The following PDE6A variants were observed in gnomAD, a reference collection of about 807,000 sequenced individuals.
PDE6A encodes rod cGMP-specific 3',5'-cyclic phosphodiesterase subunit alpha.
In PDE6A, 84 loss-of-function variants were observed where a neutral mutation model predicts 106.3. That is an observed-to-expected ratio of 0.79 (90% confidence interval 0.66 to 0.95). The LOEUF (loss-of-function observed/expected upper bound fraction) is 0.95. Among genes scored for constraint, PDE6A ranks in the 40% least tolerant of loss-of-function variants. The probability of loss-of-function intolerance (pLI) is 0.00; values close to 1 mark genes in which losing one functional copy is unlikely to be tolerated. For missense variants in PDE6A, 1,052 were observed against 1,084.9 expected, an observed-to-expected ratio of 0.97 and a Z score of 0.43; for synonymous variants, 394 against 386.6, an observed-to-expected ratio of 1.02 and a Z score of -0.23.
intron 6 of PDE6A, among the ~76,000 whole-genome samples, chr5:149,914,638 T>C (rs1247274726): frequency 7.1e-6 from 1 of 141,224 alleles, no homozygotes; most frequent in Non-Finnish European, 1.5e-5. Context: ...GAAGTTCCTC[T>C]GCTTTAATCC....
chr5:149,863,254 A>G lies in PDE6A; in HGVS notation c.2371T>C (p.Phe791Leu), dbSNP rs537784447. The change falls in exon 21 of 22, where the codon TTC becomes CTC. Residue 791 changes from phenylalanine to leucine, a missense_variant. Coordinates refer to ENST00000255266, the MANE Select transcript of PDE6A (RefSeq NM_000440.3). This position sits in a 1 kb window ranked among gnomAD's most constrained non-coding sequence, Gnocchi z 4.7. Reference protein sequence around the residue: ...CTFVYKEFSRFHEEITPMLDG... With the variant: ...CTFVYKEFSRLHEEITPMLDG... Reference sequence around the variant, plus strand: ...AACATTGGGGTGATCTCCTCGTGGAAACGGGAGAATTCCTAGAAGAGAGAG... The same window carrying G: ...AACATTGGGGTGATCTCCTCGTGGAGACGGGAGAATTCCTAGAAGAGAGAG... 1 of 1,614,188 alleles carries G rather than the reference A, an allele frequency of 6.2e-7. No homozygotes were observed. Among genetic ancestry groups the G allele is most frequent in the African/African-American group, 1.3e-5 (1 of 75,044 alleles).
intron 5 of PDE6A, among the ~76,000 whole-genome samples, chr5:149,920,932 G>GAGAA (rs1466066402): frequency 1.1e-5 from 1 of 90,600 alleles, no homozygotes; most frequent in African/African-American, 4.2e-5. Context: ...AAGAAAGAGA[G>GAGAA]AAAGAGAGAA....
intron 5 of PDE6A, among the ~76,000 whole-genome samples, chr5:149,920,239 G>A (rs757174028): frequency 6.6e-6 from 1 of 152,118 alleles, no homozygotes; most frequent in African/African-American, 2.4e-5. Context: ...AATGCCTAGA[G>A]AGGTTGATAA....
chr5:149,868,609 T>G (rs1377630875), intron 17 of PDE6A, among the ~76,000 whole-genome samples: 1 of 152,232 alleles, frequency 6.6e-6, no homozygotes, highest in East Asian at 1.9e-4. Flanking sequence ...AGAGTCCCTT[T>G]GCTCTTTTCT....
chr5:149,909,389 C>T (rs544595918), intron 6 of PDE6A, among the ~76,000 whole-genome samples: 3 of 152,216 alleles, frequency 2.0e-5, no homozygotes, highest in Admixed American at 6.5e-5. Context: ...GGCTATGTTC[C>T]TTGCCTGAAG....
At chr5:149,940,419 G>C (rs1489854811) in intron 1 of PDE6A, among the ~76,000 whole-genome samples, 1 of 152,076 alleles carries the variant, frequency 6.6e-6, no homozygotes, top group African/African-American at 2.4e-5. Context: ...GCCCATGTGG[G>C]AGCCCACCGG....
At chr5:149,896,004 A>T (rs1318238148) in intron 12 of PDE6A, among the ~76,000 whole-genome samples, 1 of 152,172 alleles carries the variant, frequency 6.6e-6, no homozygotes, top group Non-Finnish European at 1.5e-5. Flanking sequence ...CTTAGTAAGG[A>T]ATCCTGCAGG....
intron 8 of PDE6A, among the ~76,000 whole-genome samples, chr5:149,902,817 G>A (rs1176999857): frequency 2.1e-4 from 31 of 144,370 alleles, no homozygotes; most frequent in African/African-American, 7.8e-4. Context: ...GCGAGACTCC[G>A]TCTCAAAAAA....
chr5:149,944,788 C>T lies in PDE6A; in HGVS notation c.-115G>A. 1.3e-6 allele frequency: 1 copy of T among 788,354 alleles called. No individual in the cohort carries two copies. Among genetic ancestry groups the T allele is most frequent in the Non-Finnish European group, 2.2e-6 (1 of 464,398 alleles). 48.8% of individuals were successfully genotyped at this position (788,354 alleles called of 1,614,324 possible). On this transcript the variant is annotated 5_prime_UTR_variant, in exon 1 of 22. The change abolishes an upstream ATG in the 5' untranslated region. Transcript: ENST00000255266. Reference sequence around the variant, plus strand: ...ACTTCTCTGGGTCTTGTCTGCAAAACATACTGAGATGGCCTGCACAGGAGA... The same window carrying T: ...ACTTCTCTGGGTCTTGTCTGCAAAATATACTGAGATGGCCTGCACAGGAGA...
intron 4 of PDE6A, among the ~76,000 whole-genome samples, chr5:149,922,842 T>A (rs1581203035): frequency 4.6e-5 from 7 of 152,226 alleles, no homozygotes; most frequent in Admixed American, 4.6e-4. Flanking sequence ...AATACACAGG[T>A]GCCTTAGCCT....
At chr5:149,861,569 G>A in intron 21 of PDE6A, among the ~76,000 whole-genome samples, 1 of 152,134 alleles carries the variant, frequency 6.6e-6, no homozygotes, top group South Asian at 2.1e-4. Flanking sequence ...AGGATCGCTT[G>A]AGGCCGGGAA....
At chr5:149,936,751 A>G (rs1482227481) in intron 1 of PDE6A, among the ~76,000 whole-genome samples, 3 of 152,244 alleles carry the variant, frequency 2.0e-5, no homozygotes, top group African/African-American at 7.2e-5. Context: ...CTTAGAAGCC[A>G]TTTAGCTCAA....
chr5:149,893,128 T>G (rs1172500503), intron 13 of PDE6A, among the ~76,000 whole-genome samples: 1 of 152,212 alleles, frequency 6.6e-6, no homozygotes, highest in African/African-American at 2.4e-5. Context: ...GACCCACCAG[T>G]TGATGACAAC....
intron 2 of PDE6A, 110 bp downstream of exon 2, chr5:149,934,456 G>A: frequency 9.6e-7 from 1 of 1,043,582 alleles, no homozygotes; most frequent in East Asian, 2.4e-5. Flanking sequence ...TGAATTCCCT[G>A]TCTTACAGAT....
intron 4 of PDE6A, among the ~76,000 whole-genome samples, chr5:149,929,609 A>AAAATAAAAAAATAAATAAATAAAT (rs1554092090): frequency 2.2e-4 from 32 of 145,392 alleles, no homozygotes; most frequent in African/African-American, 8.2e-4. Context: ...TCCGTCTCAA[A>AAAATAAAAAAATAAATAAATAAAT]AAATAAATAA....
intron 3 of PDE6A, chr5:149,932,649 T>A (rs944049498): frequency 3.6e-5 from 58 of 1,613,354 alleles, no homozygotes; most frequent in Middle Eastern, 3.3e-4. Context: ...TTCGTACGAA[T>A]TCGACTAATT....
chr5:149,896,703 C>T lies in PDE6A; in HGVS notation c.1473+8G>A, dbSNP rs769307745. 1.2e-6 allele frequency: 2 copies of T among 1,614,172 alleles called. No homozygotes were observed. The highest frequency in any genetic ancestry group is 1.7e-6 in the Non-Finnish European group (2 of 1,180,030). On this transcript the variant is annotated splice_region_variant and intron_variant, in intron 11 of 21. Transcript: ENST00000255266. ...CATCGGGGCTCGTGCTGCCCCGGTTCAGCTCACCAGGATCTCAGCCAGCTC... is the reference window on the plus strand; with the variant it reads ...CATCGGGGCTCGTGCTGCCCCGGTTTAGCTCACCAGGATCTCAGCCAGCTC...
At chr5:149,873,015 G>C (rs375247363) in intron 17 of PDE6A, among the ~76,000 whole-genome samples, 1 of 152,092 alleles carries the variant, frequency 6.6e-6, no homozygotes, top group East Asian at 1.9e-4. Context: ...CCATTCAACA[G>C]AGCACCGAGG....
intron 13 of PDE6A, among the ~76,000 whole-genome samples, chr5:149,890,317 AG>A (rs1307662351): frequency 2.0e-5 from 3 of 152,184 alleles, no homozygotes; most frequent in African/African-American, 7.2e-5. Context: ...GGAATTTTTC[AG>A]ATGAACCCTT....
Sources: allele counts gnomAD v4.1 joint callset (sites outside exome capture counted in the v4.1 genomes callset), GRCh38; gene constraint gnomAD v4.1.1; non-coding constraint Gnocchi (gnomAD v3.1); transcripts MANE v1.5; gene names NCBI Gene and HGNC (gene_info 2026-07-23, HGNC 2026-07-21).